LRRC18: variants seen among roughly 807,000 people sequenced by gnomAD.
LRRC18 encodes the protein leucine rich repeat containing 18, also known as leucine-rich repeat-containing protein 18.
Under a neutral mutation model 11.2 loss-of-function variants are expected in LRRC18, and 12 were observed. That is an observed-to-expected ratio of 1.07 (90% CI 0.69 to 1.74). The LOEUF (loss-of-function observed/expected upper bound fraction) is 1.74, where lower values mean the gene tolerates loss of function less well. Among genes scored for constraint, LRRC18 ranks in the 40% most tolerant of loss-of-function variants. The pLI, the probability that LRRC18 is intolerant of heterozygous loss-of-function variation, is 0.00. For synonymous variants in LRRC18, 155 were observed against 130.6 expected, an observed-to-expected ratio of 1.19 and a Z score of -1.27; for missense variants, 374 against 330.5, an observed-to-expected ratio of 1.13 and a Z score of -1.02.
In LRRC18 at chr10:48,913,301, G is replaced by A. The variant is rs1052939809; in HGVS notation, c.764+91C>T. 8.9e-6 allele frequency: 11 copies of A among 1,242,050 alleles called. No homozygotes were observed. The East Asian group carries it at 1.9e-4, about 21-fold the overall frequency. The allele number at this position is 1,242,050 out of a possible 1,614,324, so 76.9% of individuals were successfully genotyped here. ...GGCTGAAAGAGCTGCTGCAGCCACA[G>A]GGGAGCCCTTGGTTTCCTGTGGAGG... On this transcript the variant is annotated intron_variant, in intron 1 of 1. Transcript: ENST00000374160.
chr10:48,926,699 C>T, the LRRC18 span, among the ~76,000 whole-genome samples: 1 of 151,964 alleles, frequency 6.6e-6, no homozygotes, highest in Admixed American at 6.5e-5. Flanking sequence ...TAAATATATA[C>T]AAATAGTATG....
exon 2 of LRRC18, chr10:48,909,742 G>C (rs1177683191): frequency 1.9e-5 from 3 of 155,250 alleles, no homozygotes; most frequent in Admixed American, 1.9e-4. Flanking sequence ...CCATTCATGA[G>C]GGACCCACCC....
upstream of LRRC18, among the ~76,000 whole-genome samples, chr10:48,915,884 G>A (rs143823445): frequency 5.6e-3 from 846 of 152,204 alleles, 9 homozygotes; most frequent in African/African-American, 0.019. Context: ...CCCCATTTTC[G>A]GGCATAATTG....
chr10:48,918,001 T>C (rs1390197009), upstream of LRRC18, among the ~76,000 whole-genome samples: 3 of 152,222 alleles, frequency 2.0e-5, no homozygotes, highest in African/African-American at 7.2e-5. Context: ...ACACTGCTTT[T>C]GAAGTGGTGA....
the LRRC18 span, chr10:48,932,375 T>C: frequency 2.0e-5 from 3 of 152,180 alleles, no homozygotes; most frequent in Non-Finnish European, 4.4e-5. Flanking sequence ...AAATACAAAG[T>C]CTTTGCAACC....
intron 1 of LRRC18, chr10:48,910,742 T>C (rs187272475): frequency 1.6e-3 from 267 of 167,626 alleles, no homozygotes; most frequent in Middle Eastern, 3.1e-3. Context: ...CAAAGCATGA[T>C]AAAGCCCCAG....
exon 1 of LRRC18, chr10:48,914,027 G>T: frequency 6.2e-7 from 1 of 1,614,192 alleles, no homozygotes; most frequent in Non-Finnish European, 8.5e-7. Flanking sequence ...GAATACACTT[G>T]GGGAAGGTGG....
At chr10:48,916,512 T>TG (rs745756180), upstream of LRRC18, among the ~76,000 whole-genome samples, 100 of 152,132 alleles carry the variant, frequency 6.6e-4, no homozygotes, top group Non-Finnish European at 9.3e-4. Flanking sequence ...TCCTCAGAGC[T>TG]GGGGGGTTGC....
At chr10:48,910,932 C>T in intron 1 of LRRC18, 3 of 984,428 alleles carry the variant, frequency 3.0e-6, no homozygotes, top group Non-Finnish European at 3.6e-6. Context: ...CTTTGCTGAA[C>T]CTTTTGAATA....
chr10:48,913,775 G>T, exon 1 of LRRC18: 1 of 1,614,086 alleles, frequency 6.2e-7, no homozygotes, highest in African/African-American at 1.3e-5. Context: ...TCAAGCCTAG[G>T]TTCACAGCGC....
At chr10:48,931,948 T>A in the LRRC18 span, among the ~76,000 whole-genome samples, 2 of 152,180 alleles carry the variant, frequency 1.3e-5, no homozygotes, top group Admixed American at 1.3e-4. Flanking sequence ...CACATGTTAG[T>A]CATGCCGGCT....
At chr10:48,932,828 C>T in the LRRC18 span, among the ~76,000 whole-genome samples, 35,502 of 151,910 alleles carry the variant, frequency 0.23, 4,632 homozygotes, top group East Asian at 0.56. Flanking sequence ...TCTGAGAAAG[C>T]GACATCTGAG....
intron 1 of LRRC18, among the ~76,000 whole-genome samples, chr10:48,912,524 C>A (rs1029999389): frequency 2.0e-5 from 3 of 152,218 alleles, no homozygotes; most frequent in African/African-American, 7.2e-5. Flanking sequence ...ATGCCTCAGA[C>A]AGTGGTGCTC....
chr10:48,935,738 T>C, the LRRC18 span, among the ~76,000 whole-genome samples: 1 of 152,250 alleles, frequency 6.6e-6, no homozygotes, highest in African/African-American at 2.4e-5. Context: ...CCTGTAATCA[T>C]ATTCTCTTAC....
At chr10:48,928,606 T>C in the LRRC18 span, among the ~76,000 whole-genome samples, 8 of 152,190 alleles carry the variant, frequency 5.3e-5, no homozygotes, top group Non-Finnish European at 1.0e-4. Flanking sequence ...TCCTTTGAGC[T>C]GCACAGGCCC....
the LRRC18 span, among the ~76,000 whole-genome samples, chr10:48,927,000 G>A: frequency 6.6e-6 from 1 of 152,180 alleles, no homozygotes; most frequent in Non-Finnish European, 1.5e-5. Flanking sequence ...CAGGGACATT[G>A]GCCAACTGCA....
chr10:48,909,608 G>T (rs1181895373), exon 2 of LRRC18: 1 of 152,236 alleles, frequency 6.6e-6, no homozygotes, highest in Admixed American at 6.5e-5. Flanking sequence ...AAGGGGAGCA[G>T]GCATCACATA....
chr10:48,939,463 A>G, the LRRC18 span, among the ~76,000 whole-genome samples: 129 of 152,288 alleles, frequency 8.5e-4, no homozygotes, highest in African/African-American at 3.0e-3. Flanking sequence ...TAGAATTTAG[A>G]TCCAGGTGTC....
chr10:48,913,369 C>T (rs1838184495), intron 1 of LRRC18, 23 bp downstream of exon 3: 3 of 1,599,840 alleles, frequency 1.9e-6, no homozygotes, highest in Admixed American at 1.7e-5. Flanking sequence ...TCCCTTCTGC[C>T]TCAGGGTCAG....
Sources: gnomAD v4.1 joint callset for allele counts (sites outside exome capture counted in the v4.1 genomes callset) on GRCh38, gnomAD v4.1.1 for gene constraint, MANE v1.5 for transcripts, NCBI Gene and HGNC (gene_info 2026-07-23, HGNC 2026-07-21) for gene names.